PIAS1: variants seen among roughly 807,000 people sequenced by gnomAD.
PIAS1 encodes protein inhibitor of activated STAT 1, also known as E3 SUMO-protein ligase PIAS1.
PIAS1 carries 6 observed loss-of-function variants against 71.3 expected under a neutral mutation model. The observed-to-expected ratio is 0.08, with a 90% CI of 0.05 to 0.17. PIAS1 has a LOEUF of 0.17. Ranked by LOEUF, PIAS1 falls within the 10% of genes least tolerant of loss-of-function variation. The pLI is 1.00. For synonymous variants in PIAS1, 303 were observed against 292.9 expected (o/e 1.03, Z -0.35); for missense variants, 555 against 793.6 (o/e 0.70, Z 3.61).
chr15:68,087,900 G>T, intron 2 of PIAS1: 2 of 312,884 alleles, frequency 6.4e-6, no homozygotes, highest in South Asian at 2.5e-5. Context: ...CGTGAGTTTT[G>T]TATCACATTA....
intron 2 of PIAS1, among the ~76,000 whole-genome samples, chr15:68,108,847 C>A (rs952564539): frequency 6.6e-6 from 1 of 152,082 alleles, no homozygotes; most frequent in Admixed American, 6.6e-5. Flanking sequence ...AGAATCTGAC[C>A]ATTCTCATGA....
At chr15:68,138,597 C>G (rs2092749671) in intron 2 of PIAS1, among the ~76,000 whole-genome samples, 1 of 152,186 alleles carries the variant, frequency 6.6e-6, no homozygotes, top group African/African-American at 2.4e-5. Flanking sequence ...GCCTCAGCCT[C>G]CCAGGTAGCT....
At chr15:68,154,605 T>C (rs1007085338) in intron 7 of PIAS1, among the ~76,000 whole-genome samples, 7 of 152,232 alleles carry the variant, frequency 4.6e-5, no homozygotes, top group Admixed American at 1.3e-4. Context: ...CTGTAACTTA[T>C]TTCTGTGGCA....
rs191948740 is a variant in PIAS1, at chr15:68,107,183, G to A, written c.469+20433G>A. Among the ~76,000 whole-genome samples the A allele has an allele frequency of 3.9e-5, 6 of 152,236 alleles. 1 individual carries two copies. Among genetic ancestry groups the A allele is most frequent in the Non-Finnish European group, 8.8e-5 (6 of 68,004 alleles). ...TTTTAACTTAGGGATGAGAGTCCAG[G>A]ATAGTAGCTATTTGTACATGTTTGC... On this transcript the variant is annotated intron_variant, in intron 2 of 13. Coordinates refer to ENST00000249636, the MANE Select transcript of PIAS1 (RefSeq NM_016166.3).
intron 6 of PIAS1, among the ~76,000 whole-genome samples, chr15:68,151,503 T>G (rs1330664184): frequency 6.6e-6 from 1 of 151,962 alleles, no homozygotes; most frequent in Non-Finnish European, 1.5e-5. Flanking sequence ...TAAATAATAA[T>G]GGTGAATAAG....
intron 2 of PIAS1, among the ~76,000 whole-genome samples, chr15:68,129,809 AC>A (rs2092676950): frequency 1.4e-5 from 2 of 147,628 alleles, no homozygotes; most frequent in African/African-American, 5.1e-5. Flanking sequence ...ACACACACAC[AC>A]ACACACACAC....
At chr15:68,061,161 C>T (rs568888422) in intron 1 of PIAS1, among the ~76,000 whole-genome samples, 4 of 152,188 alleles carry the variant, frequency 2.6e-5, no homozygotes, top group Non-Finnish European at 5.9e-5. Context: ...AAATTTGATT[C>T]GTTCGACTTT....
chr15:68,135,306 T>C (rs1595755130), intron 2 of PIAS1, among the ~76,000 whole-genome samples: 2 of 17,658 alleles, frequency 1.1e-4, no homozygotes, highest in African/African-American at 2.3e-4. Context: ...CACTTCCCAG[T>C]AGGGGCGGCT....
In PIAS1 at chr15:68,055,877, C is replaced by A. The variant is rs746208405; in HGVS notation, c.24+1527C>A. The A allele has an allele frequency of 6.3e-5, 44 of 700,010 alleles. 1 individual carries two copies. The highest frequency in any genetic ancestry group is 6.2e-4 in the South Asian group (42 of 67,362). The allele number at this position is 700,010 out of a possible 1,614,324, so 43.4% of individuals were successfully genotyped here. A position where few individuals can be genotyped will look rare whatever the true frequency, so the allele number is the denominator to read the frequency against. ...ACCGAAAGAGCTTTTCTCCTAATAACTTCACAATGTTTACACTCCAAGATT... is the reference window on the plus strand; with the variant it reads ...ACCGAAAGAGCTTTTCTCCTAATAAATTCACAATGTTTACACTCCAAGATT... On this transcript the variant is annotated intron_variant, in intron 1 of 13. Transcript: ENST00000249636.
intron 1 of PIAS1, among the ~76,000 whole-genome samples, chr15:68,072,316 C>A (rs1033440117): frequency 4.3e-5 from 6 of 138,208 alleles, no homozygotes; most frequent in African/African-American, 1.6e-4. Flanking sequence ...AGGAGAATGG[C>A]GTGAACCCAG....
At chr15:68,065,395 G>T (rs2092006542) in intron 1 of PIAS1, among the ~76,000 whole-genome samples, 1 of 151,910 alleles carries the variant, frequency 6.6e-6, no homozygotes, top group African/African-American at 2.4e-5. Flanking sequence ...TTCCAGACCA[G>T]CCTGGACAAC....
rs939147780 is a variant in PIAS1, at chr15:68,172,937, T to A, written c.1009-795T>A. ...TGTAGGCTGAATTGCTCGTGATGGT[T>A]CCCAGTGAGGAAGCAATGCAGAGTG... On this transcript the variant is annotated intron_variant, in intron 8 of 13. Coordinates refer to ENST00000249636, the MANE Select transcript of PIAS1 (RefSeq NM_016166.3). 7.4e-4 allele frequency among the ~76,000 whole-genome samples: 113 copies of A among 152,324 alleles called. 2 individuals are homozygous for A. Among genetic ancestry groups the A allele is most frequent in the African/African-American group, 2.6e-3 (109 of 41,574 alleles).
intron 11 of PIAS1, among the ~76,000 whole-genome samples, chr15:68,180,187 AC>A (rs1366203672): frequency 6.6e-6 from 1 of 151,834 alleles, no homozygotes. Flanking sequence ...TGCAGCCTCG[AC>A]CCCCCAGGCT....
chr15:68,123,395 G>C (rs542127931), intron 2 of PIAS1, among the ~76,000 whole-genome samples: 4 of 152,152 alleles, frequency 2.6e-5, no homozygotes, highest in East Asian at 1.9e-4. Flanking sequence ...TACACACAGA[G>C]ACACACAAAG....
Position 68,153,699 on chromosome 15 carries a change from C to T in PIAS1, c.934+4C>T, listed in dbSNP as rs752173732. ...CCGGATCATTCTAGAGCTTTAAGTA[C>T]GTATGATAAACTTATTTCACTTATT... is the stretch of plus-strand genomic sequence containing the variant. On this transcript the variant is annotated splice_donor_region_variant and intron_variant, in intron 7 of 13. Transcript: ENST00000249636. The T allele has an allele frequency of 2.3e-5, 32 of 1,373,064 alleles. No homozygotes were observed. The highest frequency in any genetic ancestry group is 2.0e-4 in the South Asian group (17 of 85,522). 85.1% of individuals were successfully genotyped at this position (1,373,064 alleles called of 1,614,324 possible). A position where few individuals can be genotyped will look rare whatever the true frequency, so the allele number is the denominator to read the frequency against.
chr15:68,155,564 A>G (rs1017065250), intron 7 of PIAS1, among the ~76,000 whole-genome samples: 1 of 152,136 alleles, frequency 6.6e-6, no homozygotes, highest in African/African-American at 2.4e-5. Context: ...GAGTCAAATC[A>G]GTTACAAATA....
intron 2 of PIAS1, among the ~76,000 whole-genome samples, chr15:68,100,110 A>C (rs532205696): frequency 0.029 from 4,383 of 152,198 alleles, 144 homozygotes; most frequent in African/African-American, 0.08. Context: ...AAAAAAAAAA[A>C]AAAACACCTT....
At chr15:68,100,218 C>A (rs1260219622) in intron 2 of PIAS1, among the ~76,000 whole-genome samples, 1 of 152,076 alleles carries the variant, frequency 6.6e-6, no homozygotes, top group Non-Finnish European at 1.5e-5. Context: ...TAACATCTTT[C>A]TTAATATAGT....
intron 1 of PIAS1, among the ~76,000 whole-genome samples, chr15:68,078,891 C>T (rs921262886): frequency 6.6e-6 from 1 of 152,242 alleles, no homozygotes; most frequent in East Asian, 1.9e-4. Flanking sequence ...TGATTGAAAA[C>T]ATTTTTAATA....
Sources: gnomAD v4.1 joint callset for allele counts (sites outside exome capture counted in the v4.1 genomes callset) on GRCh38, gnomAD v4.1.1 for gene constraint, MANE v1.5 for transcripts, NCBI Gene and HGNC (gene_info 2026-07-23, HGNC 2026-07-21) for gene names.